The following MAP2K5 variants were observed in gnomAD, a reference collection of about 807,000 sequenced individuals.
MAP2K5 encodes mitogen-activated protein kinase kinase 5.
A neutral mutation model predicts 83.1 loss-of-function variants in MAP2K5; 49 were observed. That is an observed-to-expected ratio of 0.59 (90% confidence interval 0.47 to 0.75). The LOEUF (loss-of-function observed/expected upper bound fraction) is 0.75, where lower values mean the gene tolerates loss of function less well. Among genes scored for constraint, MAP2K5 ranks in the 30% least tolerant of loss-of-function variants. The pLI is 0.00. For synonymous variants in MAP2K5, 202 were observed against 191.8 expected, an observed-to-expected ratio of 1.05 and a Z score of -0.44; for missense variants, 457 against 557.5, an observed-to-expected ratio of 0.82 and a Z score of 1.82.
chr15:67,695,973 C>T (rs1373611640), intron 15 of MAP2K5, among the ~76,000 whole-genome samples: 1 of 151,818 alleles, frequency 6.6e-6, no homozygotes, highest in Non-Finnish European at 1.5e-5. Context: ...GAGTGCTTTG[C>T]TCAGGTCAGT....
intron 3 of MAP2K5, among the ~76,000 whole-genome samples, chr15:67,576,818 G>T (rs868611712): frequency 1.4e-5 from 2 of 147,066 alleles, no homozygotes; most frequent in Non-Finnish European, 3.0e-5. Flanking sequence ...AATATGAGGA[G>T]GTGTACTTTT....
chr15:67,772,086 A>C (rs986835881), intron 20 of MAP2K5, among the ~76,000 whole-genome samples: 6 of 152,242 alleles, frequency 3.9e-5, no homozygotes, highest in Middle Eastern at 3.2e-3. Flanking sequence ...AGCTTAAACA[A>C]ATTTAGCTGT....
Position 67,563,245 on chromosome 15 carries a change from T to G in MAP2K5, c.185-38T>G, listed in dbSNP as rs762347555. ...ATGTTCCCTTTGTGCATTAAACAAA[T>G]GCACACCTTATCATTTGCATTATGT... On this transcript the variant is annotated intron_variant, in intron 2 of 21. Coordinates refer to ENST00000178640, the MANE Select transcript of MAP2K5 (RefSeq NM_145160.3). The surrounding 1 kb of genome is among the most constrained non-coding windows in gnomAD (Gnocchi z 4.5). 2 of 1,598,948 alleles carry G rather than the reference T, an allele frequency of 1.3e-6. No homozygotes were observed. Among genetic ancestry groups the G allele is most frequent in the Non-Finnish European group, 1.7e-6 (2 of 1,175,244 alleles).
At chr15:67,763,903 G>A (rs1291079715) in intron 19 of MAP2K5, among the ~76,000 whole-genome samples, 1 of 152,174 alleles carries the variant, frequency 6.6e-6, no homozygotes, top group Non-Finnish European at 1.5e-5. Flanking sequence ...ATGAATCCCA[G>A]TGCCTAAGAG....
chr15:67,658,843 AG>A (rs2141141675), intron 12 of MAP2K5: 1 of 584,896 alleles, frequency 1.7e-6, no homozygotes, highest in South Asian at 1.5e-5. Context: ...ATGTGTTTGC[AG>A]GGACCTTGGT....
chr15:67,630,984 G>C (rs2086461583), intron 9 of MAP2K5, 57 bp downstream of exon 9: 11 of 1,311,460 alleles, frequency 8.4e-6, no homozygotes, highest in Non-Finnish European at 9.8e-6. Context: ...CCTTTCCTCT[G>C]TTAGCTTGAG....
At chr15:67,730,990 G>C (rs2089206762) in intron 17 of MAP2K5, among the ~76,000 whole-genome samples, 1 of 152,080 alleles carries the variant, frequency 6.6e-6, no homozygotes, top group Non-Finnish European at 1.5e-5. Flanking sequence ...GATTAAAGGA[G>C]GTATGCTGAT....
At chr15:67,613,149 G>A (rs998487818) in intron 8 of MAP2K5, among the ~76,000 whole-genome samples, 2 of 152,174 alleles carry the variant, frequency 1.3e-5, no homozygotes, top group Admixed American at 6.5e-5. Context: ...GCCTATGGCA[G>A]TTTAATTAGA....
In MAP2K5 at chr15:67,543,493, G is replaced by T. The variant is rs752047907; in HGVS notation, c.135+23G>T. On this transcript the variant is annotated intron_variant, in intron 1 of 21. Coordinates refer to ENST00000178640, the MANE Select transcript of MAP2K5 (RefSeq NM_145160.3). The surrounding 1 kb of genome is among the most constrained non-coding windows in gnomAD (Gnocchi z 4.3). The stretch of plus-strand genomic sequence containing the variant: ...CTGGTGAGTGGTAATCTCAGTGTCC[G>T]GATGCCAGCAAGGGGGACTCAGGGA... The T allele has an allele frequency of 1.9e-6, 3 of 1,613,720 alleles. No homozygotes were observed. In the South Asian group the frequency reaches 3.3e-5, roughly 18 times the overall value.
chr15:67,736,530 T>A lies in MAP2K5; in HGVS notation c.1074+8585T>A, dbSNP rs1047971619. On this transcript the variant is annotated intron_variant, in intron 17 of 21. Coordinates refer to ENST00000178640, the MANE Select transcript of MAP2K5 (RefSeq NM_145160.3). This position sits in a 1 kb window ranked among gnomAD's most constrained non-coding sequence, Gnocchi z 4.3. Reference sequence around the variant, plus strand: ...GTAACTCTGAAAATATATGACCATGTCTCACACCAGGTAGGACTAAAATGA... The same window carrying A: ...GTAACTCTGAAAATATATGACCATGACTCACACCAGGTAGGACTAAAATGA... Among the ~76,000 whole-genome samples the A allele has an allele frequency of 6.6e-6, 1 of 152,218 alleles. No individual in the cohort carries two copies. The highest frequency in any genetic ancestry group is 2.4e-5 in the African/African-American group (1 of 41,460).
chr15:67,784,132 A>T (rs948426580), intron 21 of MAP2K5, among the ~76,000 whole-genome samples: 1 of 152,208 alleles, frequency 6.6e-6, no homozygotes, highest in East Asian at 1.9e-4. Flanking sequence ...AAGTTATCTC[A>T]TTTGACCTTC....
At position 67,736,013 on chromosome 15, in the gene MAP2K5, G is replaced by A. The variant is rs2089332323; in HGVS notation, c.1074+8068G>A. Among the ~76,000 whole-genome samples the A allele has an allele frequency of 6.6e-6, 1 of 152,140 alleles. No homozygotes were observed. Among genetic ancestry groups the A allele is most frequent in the Admixed American group, 6.5e-5 (1 of 15,278 alleles). On this transcript the variant is annotated intron_variant, in intron 17 of 21. Coordinates refer to ENST00000178640, the MANE Select transcript of MAP2K5 (RefSeq NM_145160.3). The surrounding 1 kb of genome is among the most constrained non-coding windows in gnomAD (Gnocchi z 4.3). ...GGTCTAAAACAGCATATTATATTTG[G>A]TGTTGTTCCGGTACTTTAACAGTAC...
intron 17 of MAP2K5, 122 bp downstream of exon 17, chr15:67,728,067 T>C: frequency 1.2e-6 from 1 of 867,044 alleles, no homozygotes; most frequent in East Asian, 2.4e-5. Flanking sequence ...AATTGAAAAG[T>C]GGTATCTTAA....
intron 16 of MAP2K5, 88 bp from the exon 17 acceptor site, chr15:67,727,828 C>A: frequency 1.1e-6 from 1 of 907,894 alleles, no homozygotes; most frequent in Non-Finnish European, 1.9e-6. Context: ...TTGCTGGATG[C>A]AGTTCTGAAA....
chr15:67,691,597 G>T (rs1368110984), intron 13 of MAP2K5, among the ~76,000 whole-genome samples: 2 of 152,262 alleles, frequency 1.3e-5, no homozygotes, highest in East Asian at 1.9e-4. Context: ...GTCTCTGCTG[G>T]ACTACACTTT....
intron 17 of MAP2K5, among the ~76,000 whole-genome samples, chr15:67,732,865 G>T (rs1054540398): frequency 2.0e-5 from 3 of 152,160 alleles, no homozygotes; most frequent in African/African-American, 7.2e-5. Flanking sequence ...ACTGGCATGG[G>T]AGAGTGTGAA....
chr15:67,718,427 G>T lies in MAP2K5; in HGVS notation c.1045-9489G>T, dbSNP rs774818704. 2.6e-5 allele frequency among the ~76,000 whole-genome samples: 4 copies of T among 152,078 alleles called. No individual in the cohort carries two copies. The East Asian group carries it at 7.7e-4, about 29-fold the overall frequency. ...TTCAAATGGCTGTTGAAGTAAACAC[G>T]TGAGATGGGGTTTGGGGCAGTTAAC... On this transcript the variant is annotated intron_variant, in intron 16 of 21. Transcript: ENST00000178640.
chr15:67,609,965 T>G (rs1175818731), intron 8 of MAP2K5, among the ~76,000 whole-genome samples: 1 of 152,170 alleles, frequency 6.6e-6, no homozygotes, highest in African/African-American at 2.4e-5. Context: ...CTGGGTCTTT[T>G]AGTCCTTAGT....
At chr15:67,752,270 T>C (rs1024970315) in intron 19 of MAP2K5, among the ~76,000 whole-genome samples, 2 of 151,492 alleles carry the variant, frequency 1.3e-5, no homozygotes, top group African/African-American at 4.8e-5. Flanking sequence ...TTTCACCATG[T>C]TGGCCAGGCT....
Sources: allele counts gnomAD v4.1 joint callset (sites outside exome capture counted in the v4.1 genomes callset), GRCh38; gene constraint gnomAD v4.1.1; non-coding constraint Gnocchi (gnomAD v3.1); transcripts MANE v1.5; gene names NCBI Gene and HGNC (gene_info 2026-07-23, HGNC 2026-07-21).